COPA: variants seen among roughly 807,000 people sequenced by gnomAD.
COPA encodes the protein coatomer subunit alpha.
COPA carries 10 observed loss-of-function variants against 158.7 expected under a neutral mutation model. That is an observed-to-expected ratio of 0.06 (90% CI 0.04 to 0.11). COPA has a LOEUF of 0.11. Ranked by LOEUF, COPA falls within the 10% of genes least tolerant of loss-of-function variation. The pLI is 1.00. For missense variants in COPA, 1,065 were observed against 1,536.7 expected, an observed-to-expected ratio of 0.69 and a Z score of 5.13; for synonymous variants, 462 against 542.8, an observed-to-expected ratio of 0.85 and a Z score of 2.07.
At chr1:160,318,664 A>G (rs1557870163) in intron 8 of COPA, among the ~76,000 whole-genome samples, 1 of 152,182 alleles carries the variant, frequency 6.6e-6, no homozygotes, top group East Asian at 1.9e-4. Context: ...ATCAAAAGCA[A>G]TAATAGCTAT....
At chr1:160,336,705 T>G (rs750286257) in intron 3 of COPA, among the ~76,000 whole-genome samples, 5 of 152,208 alleles carry the variant, frequency 3.3e-5, no homozygotes, top group African/African-American at 1.2e-4. Context: ...ATTTTTCTTC[T>G]TATTTAATTT....
rs1485669209 is a variant in COPA, at chr1:160,318,476, AAAAAAAAAAAAAAAAC to A, written c.707-4367_707-4352del. Among the ~76,000 whole-genome samples, 252 of 77,424 alleles carry A rather than the reference AAAAAAAAAAAAAAAAC, an allele frequency of 3.3e-3. 1 individual carries two copies. The highest frequency in any genetic ancestry group is 8.9e-3 in the Middle Eastern group (1 of 112). The allele number at this position is 77,424 out of a possible 152,430, so 50.8% of individuals were successfully genotyped here. A position where few individuals can be genotyped will look rare whatever the true frequency, so the allele number is the denominator to read the frequency against. On this transcript the variant is annotated intron_variant, in intron 8 of 32. Transcript: ENST00000241704. ...AAAATAAACAATATTTGTAAAAAAA[AAAAAAAAAAAAAAAAC>A]AAAAAAAAAAAAAAAACACTAATGT... is the stretch of plus-strand genomic sequence containing the variant.
chr1:160,317,562 A>T, intron 8 of COPA: 1 of 1,604,034 alleles, frequency 6.2e-7, no homozygotes, highest in African/African-American at 1.3e-5. Context: ...ACTGTCAAAG[A>T]CAGGGCGTTC....
Position 160,291,750 on chromosome 1 carries a change from A to G in COPA, c.3258+69T>C. On this transcript the variant is annotated intron_variant, in intron 30 of 32. Transcript: ENST00000241704. Reference sequence around the variant, plus strand: ...CACTCAGATCTGGGTTTGAAATTAAAGAATTCAAACCTAGTGAAGGGTGAA... The same window carrying G: ...CACTCAGATCTGGGTTTGAAATTAAGGAATTCAAACCTAGTGAAGGGTGAA... 3.4e-6 allele frequency: 5 copies of G among 1,490,914 alleles called. No homozygotes were observed. In the South Asian group the frequency reaches 5.9e-5, roughly 17 times the overall value. 92.4% of individuals were successfully genotyped at this position (1,490,914 alleles called of 1,614,324 possible).
Position 160,309,132 on chromosome 1 carries a change from G to A in COPA, c.1188C>T (p.Ile396=). ...LENSTYDLYT[I]PKDADSQNPD... ...GATTCTGGGAGTCAGCATCTTTAGG[G>A]ATGGTGTACAGGTCATAGGTACTAT... Residue 396 remains isoleucine, a synonymous_variant, in exon 13 of 33, where the codon ATC becomes ATT. Coordinates refer to ENST00000241704, the MANE Select transcript of COPA (RefSeq NM_004371.4). The A allele has an allele frequency of 6.2e-7, 1 of 1,613,764 alleles. No homozygotes were observed. Among genetic ancestry groups the A allele is most frequent in the Non-Finnish European group, 8.5e-7 (1 of 1,179,678 alleles).
At chr1:160,327,712 G>C (rs1647315402) in intron 6 of COPA, among the ~76,000 whole-genome samples, 1 of 152,022 alleles carries the variant, frequency 6.6e-6, no homozygotes, top group African/African-American at 2.4e-5. Context: ...ACAAAAATTA[G>C]CTGGGTGTGG....
chr1:160,305,782 G>C lies in COPA; in HGVS notation c.1443-9C>G. ...TCACAGATGCCAGAGTCCTGAGATA[G>C]ATAGAGATGTGCAAACATGAATGGA... On this transcript the variant is annotated splice_polypyrimidine_tract_variant and intron_variant, in intron 15 of 32. Transcript: ENST00000241704. The C allele has an allele frequency of 6.2e-7, 1 of 1,608,902 alleles. No homozygotes were observed. The highest frequency in any genetic ancestry group is 8.5e-7 in the Non-Finnish European group (1 of 1,175,608).
chr1:160,290,102 G>A lies in COPA; in HGVS notation c.*55C>T, dbSNP rs548159687. 2.6e-6 allele frequency: 4 copies of A among 1,533,924 alleles called. No individual in the cohort carries two copies. Among genetic ancestry groups the A allele is most frequent in the Non-Finnish European group, 2.7e-6 (3 of 1,108,070 alleles). Reference sequence around the variant, plus strand: ...AAGGTGCTGTTAGAAGGAGGATATAGACACATTCTCTGGGGGGAACATATG... The same window carrying A: ...AAGGTGCTGTTAGAAGGAGGATATAAACACATTCTCTGGGGGGAACATATG... On this transcript the variant is annotated 3_prime_UTR_variant, in exon 33 of 33. Coordinates refer to ENST00000241704, the MANE Select transcript of COPA (RefSeq NM_004371.4).
intron 6 of COPA, among the ~76,000 whole-genome samples, chr1:160,330,142 C>T (rs1455790102): frequency 6.6e-6 from 1 of 151,986 alleles, no homozygotes; most frequent in East Asian, 1.9e-4. Flanking sequence ...AAAAAATTGC[C>T]CCTGATCAGC....
intron 17 of COPA, among the ~76,000 whole-genome samples, chr1:160,303,350 C>T (rs1658679028): frequency 6.6e-6 from 1 of 152,138 alleles, no homozygotes; most frequent in Non-Finnish European, 1.5e-5. Flanking sequence ...TTATTTAAGA[C>T]AGTGTGGAAT....
intron 6 of COPA, among the ~76,000 whole-genome samples, chr1:160,326,748 A>G (rs1012508168): frequency 2.6e-5 from 4 of 152,212 alleles, no homozygotes; most frequent in African/African-American, 4.8e-5. Flanking sequence ...TAAAACTGTC[A>G]TGTCATTTTA....
At chr1:160,342,647 C>T (rs929592332) in intron 1 of COPA, among the ~76,000 whole-genome samples, 3 of 152,030 alleles carry the variant, frequency 2.0e-5, no homozygotes, top group African/African-American at 7.2e-5. Context: ...TAAATAAAGC[C>T]GAATGGAGGC....
chr1:160,327,593 C>T (rs1405150090), intron 6 of COPA, among the ~76,000 whole-genome samples: 2 of 151,968 alleles, frequency 1.3e-5, no homozygotes, highest in African/African-American at 4.8e-5. Context: ...CACGGTGGCT[C>T]ACACCTGTAA....
At chr1:160,296,622 C>T (rs1423584499) in intron 21 of COPA, among the ~76,000 whole-genome samples, 7 of 152,154 alleles carry the variant, frequency 4.6e-5, no homozygotes, top group African/African-American at 9.7e-5. Flanking sequence ...GATCCTAAGC[C>T]GGAGGCACCT....
chr1:160,301,650 G>T (rs575188980), intron 17 of COPA, among the ~76,000 whole-genome samples: 39 of 152,226 alleles, frequency 2.6e-4, no homozygotes, highest in African/African-American at 8.9e-4. Flanking sequence ...GCATATGCCT[G>T]TAGTCTCAGC....
At chr1:160,327,027 G>T (rs1647263066) in intron 6 of COPA, among the ~76,000 whole-genome samples, 1 of 152,162 alleles carries the variant, frequency 6.6e-6, no homozygotes. Context: ...GGTTTTCAGA[G>T]AGTATGTTAT....
rs1448354823 is a variant in COPA at position 160,343,229 on chromosome 1, C to G, written c.-59G>C. Reference sequence around the variant, plus strand: ...AGCCCCGACACACCCTGCTGCCCTTCGGACGCCTCCACGTCAGCGACCCTC... The same window carrying G: ...AGCCCCGACACACCCTGCTGCCCTTGGGACGCCTCCACGTCAGCGACCCTC... On this transcript the variant is annotated 5_prime_UTR_variant, in exon 1 of 33. Coordinates refer to ENST00000241704, the MANE Select transcript of COPA (RefSeq NM_004371.4). The G allele has an allele frequency of 6.2e-7, 1 of 1,608,644 alleles. No individual in the cohort carries two copies. The highest frequency in any genetic ancestry group is 8.5e-7 in the Non-Finnish European group (1 of 1,174,980).
At chr1:160,343,041 C>T (rs2101884826) in intron 1 of COPA, 90 bp downstream of exon 1, 1 of 1,532,880 alleles carries the variant, frequency 6.5e-7, no homozygotes, top group East Asian at 2.2e-5. Flanking sequence ...GGGCCCATTT[C>T]GACCAACACC....
intron 15 of COPA, 114 bp from the exon 16 acceptor site, chr1:160,305,887 T>C: frequency 1.2e-6 from 1 of 835,648 alleles, no homozygotes; most frequent in Non-Finnish European, 2.0e-6. Flanking sequence ...TTAATGTAAT[T>C]CTAATTACAT....
Sources: allele counts gnomAD v4.1 joint callset (sites outside exome capture counted in the v4.1 genomes callset), GRCh38; gene constraint gnomAD v4.1.1; transcripts MANE v1.5; gene names NCBI Gene and HGNC (gene_info 2026-07-23, HGNC 2026-07-21).